The following KCNQ1 variants were observed in gnomAD, a reference collection of about 807,000 sequenced individuals.
The protein encoded by KCNQ1 is potassium voltage-gated channel subfamily KQT member 1.
KCNQ1 carries 49 observed loss-of-function variants against 72.4 expected under a neutral mutation model. The ratio of observed to expected loss-of-function variants is 0.68; its 90% CI spans 0.54 to 0.86. KCNQ1 has a LOEUF of 0.86. Ranked by LOEUF, KCNQ1 falls within the 40% of genes least tolerant of loss-of-function variation. The pLI is 0.00. For missense variants in KCNQ1, 790 were observed against 945.1 expected, an observed-to-expected ratio of 0.84 and a Z score of 2.15; for synonymous variants, 450 against 412.6, an observed-to-expected ratio of 1.09 and a Z score of -1.10.
At chr11:2,582,538 G>A (rs916779215) in intron 6 of KCNQ1, among the ~76,000 whole-genome samples, 5 of 152,236 alleles carry the variant, frequency 3.3e-5, no homozygotes, top group Admixed American at 1.3e-4. Flanking sequence ...GCCCCAAGCC[G>A]GTAAATGCTG....
At chr11:2,729,020 C>A (rs566502487) in intron 11 of KCNQ1, among the ~76,000 whole-genome samples, 1 of 152,366 alleles carries the variant, frequency 6.6e-6, no homozygotes, top group South Asian at 2.1e-4. Flanking sequence ...GCATGCAGGG[C>A]TGGCAACTGT....
At chr11:2,640,423 C>G in intron 10 of KCNQ1, 1 of 398,630 alleles carries the variant, frequency 2.5e-6, no homozygotes, top group East Asian at 3.6e-5. Flanking sequence ...GTAGCTGGGA[C>G]TACAGGCATG....
At chr11:2,730,862 G>A (rs1330076577) in intron 11 of KCNQ1, among the ~76,000 whole-genome samples, 1 of 152,198 alleles carries the variant, frequency 6.6e-6, no homozygotes, top group African/African-American at 2.4e-5. Flanking sequence ...GCAGGCCTCT[G>A]TGGCTGTGGC....
intron 11 of KCNQ1, chr11:2,662,976 G>A: frequency 2.5e-6 from 1 of 398,738 alleles, no homozygotes; most frequent in Non-Finnish European, 4.4e-6. Context: ...TTTGCAGCCA[G>A]CCAGGTGCAA....
Position 2,679,851 on chromosome 11 carries a change from A to AT in KCNQ1, c.1514+17777dup, listed in dbSNP as rs562062411. On this transcript the variant is annotated intron_variant, in intron 11 of 15. Coordinates refer to ENST00000155840, the MANE Select transcript of KCNQ1 (RefSeq NM_000218.3). The surrounding 1 kb of genome is among the most constrained non-coding windows in gnomAD (Gnocchi z 4.8). ...TACTTCTGAATTTTATAGGACATGC[A>AT]TTTTTTTCATATAAACTTAGAACTA... is the stretch of plus-strand genomic sequence containing the variant. The AT allele has an allele frequency of 4.3e-5, 17 of 398,218 alleles. No homozygotes were observed. Among genetic ancestry groups the AT allele is most frequent in the Non-Finnish European group, 6.6e-5 (15 of 225,978 alleles). 24.7% of individuals were successfully genotyped at this position (398,218 alleles called of 1,614,324 possible).
intron 11 of KCNQ1, chr11:2,686,970 G>A (rs543931993): frequency 2.5e-6 from 1 of 398,656 alleles, no homozygotes; most frequent in South Asian, 1.3e-4. Context: ...CTGATGCAGA[G>A]GCAAGGACAA....
chr11:2,523,414 G>T (rs1847427389), intron 1 of KCNQ1, among the ~76,000 whole-genome samples: 1 of 152,132 alleles, frequency 6.6e-6, no homozygotes, highest in Admixed American at 6.5e-5. Flanking sequence ...TGGCCAGACT[G>T]GTCTCGAACT....
intron 11 of KCNQ1, among the ~76,000 whole-genome samples, chr11:2,742,242 T>A (rs191212218): frequency 6.6e-4 from 100 of 152,312 alleles, no homozygotes; most frequent in African/African-American, 2.3e-3. Flanking sequence ...CCCTGGGTGG[T>A]GCTGGCCAGA....
chr11:2,734,303 C>T lies in KCNQ1; in HGVS notation c.1515-34541C>T, dbSNP rs947986860. 1.3e-5 allele frequency among the ~76,000 whole-genome samples: 2 copies of T among 152,246 alleles called. No individual in the cohort carries two copies. The highest frequency in any genetic ancestry group is 6.5e-5 in the Admixed American group (1 of 15,290). ...GAGCAGGGCAGGGGTGGCCAAAAGG[C>T]GCCTAGAAGGCTGGACTTTCCGTGA... On this transcript the variant is annotated intron_variant, in intron 11 of 15. Coordinates refer to ENST00000155840, the MANE Select transcript of KCNQ1 (RefSeq NM_000218.3). This position sits in a 1 kb window ranked among gnomAD's most constrained non-coding sequence, Gnocchi z 7.0.
chr11:2,622,190 A>T (rs1014683997), intron 10 of KCNQ1: 20 of 398,034 alleles, frequency 5.0e-5, no homozygotes, highest in Non-Finnish European at 8.0e-5. Context: ...TGTCTTTCTC[A>T]CTCCAATTCT....
rs148566141 is a variant in KCNQ1, at chr11:2,571,395, G to A, written c.675G>A (p.Ser225=). 5.4e-5 allele frequency: 87 copies of A among 1,611,252 alleles called. 1 individual carries two copies. Among genetic ancestry groups the A allele is most frequent in the Admixed American group, 3.2e-4 (19 of 60,004 alleles). Residue 225 remains serine (S), a synonymous_variant, in exon 4 of 16, where the codon TCG becomes TCA. Coordinates refer to ENST00000155840, the MANE Select transcript of KCNQ1 (RefSeq NM_000218.3). ...VGSKGQVFAT[S]AIRGIRFLQI... ...CCAAGGGGCAGGTGTTTGCCACGTC[G>A]GCCATCAGGTGCGTCTGTGCCACAA...
intron 1 of KCNQ1, chr11:2,521,585 G>A (rs1365345895): frequency 2.1e-6 from 1 of 467,706 alleles, no homozygotes; most frequent in Non-Finnish European, 4.5e-6. Context: ...GTTCCATGGT[G>A]CAGTGGCTTC....
chr11:2,540,832 C>G (rs1021740106), intron 2 of KCNQ1, among the ~76,000 whole-genome samples: 2 of 152,216 alleles, frequency 1.3e-5, no homozygotes, highest in Admixed American at 6.5e-5. Context: ...AAGCCAATCC[C>G]TGTTGGGCTG....
chr11:2,528,166 C>T (rs1208505454), intron 2 of KCNQ1, 148 bp downstream of exon 2: 3 of 750,784 alleles, frequency 4.0e-6, no homozygotes, highest in Non-Finnish European at 4.7e-6. Context: ...GGGGCACCTC[C>T]CCAGCCCCCA....
rs1202176786 is a variant in KCNQ1 at position 2,620,935 on chromosome 11, G to GTT, written c.1393+32082_1393+32083dup. 1.2e-5 allele frequency: 4 copies of GTT among 331,584 alleles called. No homozygotes were observed. Among genetic ancestry groups the GTT allele is most frequent in the East Asian group, 4.2e-5 (1 of 24,028 alleles). The allele number at this position is 331,584 out of a possible 1,614,324, so 20.5% of individuals were successfully genotyped here. A position where few individuals can be genotyped will look rare whatever the true frequency, so the allele number is the denominator to read the frequency against. ...TATGGTTTGGTGTTTTTTTGTTGTT[G>GTT]TTGTTTTGTTTTGTTTTTTTTTGTC... On this transcript the variant is annotated intron_variant, in intron 10 of 15. Transcript: ENST00000155840. The surrounding 1 kb of genome is among the most constrained non-coding windows in gnomAD (Gnocchi z 4.5).
At chr11:2,535,284 G>C (rs915116780) in intron 2 of KCNQ1, among the ~76,000 whole-genome samples, 4 of 152,224 alleles carry the variant, frequency 2.6e-5, no homozygotes, top group Admixed American at 6.5e-5. Flanking sequence ...AGGCCCAAGT[G>C]TCTGTCTGGG....
At chr11:2,460,919 G>C (rs1846268345) in intron 1 of KCNQ1, among the ~76,000 whole-genome samples, 1 of 152,234 alleles carries the variant, frequency 6.6e-6, no homozygotes, top group Non-Finnish European at 1.5e-5. Context: ...TGTCGGTCTT[G>C]TCTGCTGCAT....
chr11:2,791,934 CCG>C (rs1847034257), intron 15 of KCNQ1, among the ~76,000 whole-genome samples: 1 of 152,236 alleles, frequency 6.6e-6, no homozygotes, highest in South Asian at 2.1e-4. Flanking sequence ...GTTTACTTTG[CCG>C]CGCGAACAGC....
chr11:2,741,884 C>G (rs1441095446), intron 11 of KCNQ1, among the ~76,000 whole-genome samples: 1 of 152,222 alleles, frequency 6.6e-6, no homozygotes, highest in South Asian at 2.1e-4. Context: ...TCTCTGCCAC[C>G]CCAGGCAGGG....
Sources: gnomAD v4.1 joint callset for allele counts (sites outside exome capture counted in the v4.1 genomes callset) on GRCh38, gnomAD v4.1.1 for gene constraint, Gnocchi (gnomAD v3.1) non-coding constraint, MANE v1.5 for transcripts, NCBI Gene and HGNC (gene_info 2026-07-23, HGNC 2026-07-21) for gene names.